Variants in DIP2C observed in about 807,000 individuals in gnomAD.
The protein encoded by DIP2C is disco-interacting protein 2 homolog C.
In DIP2C, 33 loss-of-function variants were observed where a neutral mutation model predicts 192.4. The ratio of observed to expected loss-of-function variants is 0.17; its 90% CI spans 0.13 to 0.23. DIP2C has a LOEUF of 0.23. Among genes scored for constraint, DIP2C ranks in the 10% least tolerant of loss-of-function variants. The pLI is 1.00. For missense variants in DIP2C, 1,537 were observed against 2,110.1 expected (o/e 0.73, Z 5.32); for synonymous variants, 979 against 864.1 (o/e 1.13, Z -2.33).
At chr10:654,153 G>T (rs1006432778) in intron 1 of DIP2C, among the ~76,000 whole-genome samples, 1 of 152,208 alleles carries the variant, frequency 6.6e-6, no homozygotes, top group African/African-American at 2.4e-5. Context: ...CAGCACGCAG[G>T]GAGGTGCATT....
chr10:487,614 G>C (rs760119668), intron 1 of DIP2C, among the ~76,000 whole-genome samples: 9 of 112,486 alleles, frequency 8.0e-5, no homozygotes, highest in Admixed American at 1.4e-4. Context: ...GTCTCTCTCT[G>C]TCGCCCAGGC....
chr10:307,177 T>C (rs190805314), intron 32 of DIP2C, among the ~76,000 whole-genome samples: 1 of 152,326 alleles, frequency 6.6e-6, no homozygotes, highest in East Asian at 1.9e-4. Context: ...CAGAACTGTG[T>C]GCCAAATACA....
At chr10:532,488 C>T (rs551752850) in intron 1 of DIP2C, among the ~76,000 whole-genome samples, 3 of 152,142 alleles carry the variant, frequency 2.0e-5, no homozygotes, top group South Asian at 2.1e-4. Flanking sequence ...GAGAAGACCT[C>T]GTTTCTGTCC....
intron 1 of DIP2C, among the ~76,000 whole-genome samples, chr10:533,835 G>A (rs1018746944): frequency 3.3e-5 from 5 of 152,040 alleles, no homozygotes; most frequent in African/African-American, 7.2e-5. Context: ...TCCTGAGGCC[G>A]TCTTGAACCG....
At chr10:291,331 T>C (rs1464410113) in intron 32 of DIP2C, among the ~76,000 whole-genome samples, 2 of 152,246 alleles carry the variant, frequency 1.3e-5, no homozygotes, top group Admixed American at 1.3e-4. Context: ...GAAAAAGGTG[T>C]GTTTTGTATG....
At chr10:584,289 T>C (rs1395794350) in intron 1 of DIP2C, among the ~76,000 whole-genome samples, 2 of 152,238 alleles carry the variant, frequency 1.3e-5, no homozygotes, top group Non-Finnish European at 2.9e-5. Flanking sequence ...CATCATGTCC[T>C]GTTGAAATGT....
intron 1 of DIP2C, among the ~76,000 whole-genome samples, chr10:647,660 C>G (rs1160832485): frequency 1.4e-5 from 2 of 146,960 alleles, no homozygotes; most frequent in African/African-American, 5.1e-5. Flanking sequence ...GAATCCACGT[C>G]CACATTGGAT....
At chr10:678,852 ATCTC>A (rs1449673084) in intron 1 of DIP2C, among the ~76,000 whole-genome samples, 2 of 94,778 alleles carry the variant, frequency 2.1e-5, no homozygotes, top group African/African-American at 6.0e-5. Context: ...CCCCGCACCC[ATCTC>A]TGCTCCCCAC....
At chr10:617,958 CCTG>C (rs764135645) in intron 1 of DIP2C, among the ~76,000 whole-genome samples, 62 of 152,184 alleles carry the variant, frequency 4.1e-4, no homozygotes, top group Non-Finnish European at 6.0e-4. Context: ...ATTTAGGAAT[CCTG>C]CTTGCTTGTG....
intron 1 of DIP2C, among the ~76,000 whole-genome samples, chr10:581,308 G>A (rs184527581): frequency 6.6e-6 from 1 of 152,294 alleles, no homozygotes; most frequent in Non-Finnish European, 1.5e-5. Flanking sequence ...CTTTCTAAAT[G>A]AGAGATGGCA....
chr10:417,196 G>A (rs182100905), intron 6 of DIP2C, among the ~76,000 whole-genome samples: 18 of 152,220 alleles, frequency 1.2e-4, no homozygotes, highest in African/African-American at 3.9e-4. Flanking sequence ...TTTGGCAGAT[G>A]TCAGAATTGC....
chr10:545,640 G>A (rs912120178), intron 1 of DIP2C, among the ~76,000 whole-genome samples: 7 of 152,178 alleles, frequency 4.6e-5, no homozygotes, highest in Admixed American at 2.0e-4. Flanking sequence ...AAGGAAATAA[G>A]ATGCTGTTTA....
intron 2 of DIP2C, among the ~76,000 whole-genome samples, chr10:483,838 A>G (rs1408571600): frequency 1.3e-5 from 2 of 151,156 alleles, no homozygotes; most frequent in Non-Finnish European, 2.9e-5. Context: ...TTTTTTTGAG[A>G]CAGGGTCTCG....
chr10:600,854 C>A (rs111851377), intron 1 of DIP2C, among the ~76,000 whole-genome samples: 4 of 151,528 alleles, frequency 2.6e-5, no homozygotes, highest in African/African-American at 7.3e-5. Flanking sequence ...GGTCTTTGGC[C>A]ATCTGGTCAA....
intron 31 of DIP2C, among the ~76,000 whole-genome samples, chr10:313,149 G>A (rs529279421): frequency 2.6e-5 from 4 of 152,232 alleles, no homozygotes; most frequent in African/African-American, 9.6e-5. Context: ...TATTGAGGGA[G>A]TATTTAACAA....
rs79727010 is a variant in DIP2C, at chr10:349,428, G to A, written c.3012C>T (p.Cys1004=). 5,459 of 1,609,262 alleles carry A rather than the reference G, an allele frequency of 3.4e-3. 79 individuals are homozygous for A. In the African/African-American group the frequency reaches 0.038, roughly 11 times the overall value. ...TCTCAGCTCTCTTGTGCAGCTGCACGCAGGTCAGCGAGTTCGCTATCGCAC... is the reference window on the plus strand; with the variant it reads ...TCTCAGCTCTCTTGTGCAGCTGCACACAGGTCAGCGAGTTCGCTATCGCAC... ...CRGAIANSLT[C]VQLHKRAEKI... is the part of the protein sequence containing the mutation. Residue 1004 remains cysteine, a synonymous_variant, in exon 25 of 37, where the codon TGC becomes TGT. Coordinates refer to ENST00000280886, the MANE Select transcript of DIP2C (RefSeq NM_014974.3).
intron 4 of DIP2C, chr10:430,129 CTA>C (rs1243365541): frequency 2.0e-5 from 3 of 152,186 alleles, no homozygotes; most frequent in Admixed American, 6.5e-5. Flanking sequence ...CTGCATTTCT[CTA>C]TGACATATGA....
At chr10:566,198 G>A (rs1161915195) in intron 1 of DIP2C, among the ~76,000 whole-genome samples, 2 of 152,010 alleles carry the variant, frequency 1.3e-5, no homozygotes, top group Non-Finnish European at 2.9e-5. Flanking sequence ...TTTTTAAACT[G>A]TAATCGTAGT....
At chr10:674,785 T>TAGAGAGAGAGAGAG (rs778232277) in intron 1 of DIP2C, among the ~76,000 whole-genome samples, 1 of 91,982 alleles carries the variant, frequency 1.1e-5, no homozygotes, top group African/African-American at 6.2e-5. Flanking sequence ...TATATATATA[T>TAGAGAGAGAGAGAG]ATATAGAGAG....
Sources: gnomAD v4.1 joint callset for allele counts (sites outside exome capture counted in the v4.1 genomes callset) on GRCh38, gnomAD v4.1.1 for gene constraint, MANE v1.5 for transcripts, NCBI Gene and HGNC (gene_info 2026-07-23, HGNC 2026-07-21) for gene names.